GAS2: variants seen among roughly 807,000 people sequenced by gnomAD.
The protein encoded by GAS2 is growth arrest-specific protein 2.
A neutral mutation model predicts 37.5 loss-of-function variants in GAS2; 20 were observed. That is an observed-to-expected ratio of 0.53 (90% CI 0.37 to 0.77). The LOEUF (loss-of-function observed/expected upper bound fraction) is 0.77. Ranked by LOEUF, GAS2 falls within the 30% of genes least tolerant of loss-of-function variation. GAS2 has a pLI of 0.00. For synonymous variants in GAS2, 144 were observed against 132.2 expected (o/e 1.09, Z -0.61); for missense variants, 336 against 373.4 (o/e 0.90, Z 0.82).
At chr11:22,705,205 C>A (rs1358348296) in intron 3 of GAS2, among the ~76,000 whole-genome samples, 1 of 152,130 alleles carries the variant, frequency 6.6e-6, no homozygotes, top group Non-Finnish European at 1.5e-5. Flanking sequence ...CCTTACCCGA[C>A]TTTGTTGCAG....
At chr11:22,759,256 A>G (rs191415793) in intron 7 of GAS2, among the ~76,000 whole-genome samples, 35 of 152,344 alleles carry the variant, frequency 2.3e-4, no homozygotes, top group South Asian at 1.9e-3. Flanking sequence ...CTGGAAACCA[A>G]TGTATGAATA....
At chr11:22,631,469 G>A (rs977854324) in intron 1 of GAS2, among the ~76,000 whole-genome samples, 2 of 152,020 alleles carry the variant, frequency 1.3e-5, no homozygotes, top group African/African-American at 4.8e-5. Flanking sequence ...TGTTATATAT[G>A]GCTTTTATTA....
At chr11:22,657,880 C>A (rs1054945725) in intron 1 of GAS2, among the ~76,000 whole-genome samples, 1 of 152,056 alleles carries the variant, frequency 6.6e-6, no homozygotes, top group Non-Finnish European at 1.5e-5. Context: ...ACTGAGTCTC[C>A]CACACAGTTA....
At chr11:22,638,887 T>G (rs1287223819) in intron 1 of GAS2, among the ~76,000 whole-genome samples, 1 of 152,028 alleles carries the variant, frequency 6.6e-6, no homozygotes, top group African/African-American at 2.4e-5. Flanking sequence ...AAATCTACTT[T>G]TTGGGAAATT....
chr11:22,741,467 A>C (rs1479258581), intron 5 of GAS2, among the ~76,000 whole-genome samples: 1 of 151,840 alleles, frequency 6.6e-6, no homozygotes, highest in Non-Finnish European at 1.5e-5. Flanking sequence ...GTAAAAAAAA[A>C]ACTTTTGATA....
At chr11:22,626,150 C>G (rs113462679) in intron 1 of GAS2, 1 of 365,956 alleles carries the variant, frequency 2.7e-6, no homozygotes, top group African/African-American at 2.1e-5. Context: ...ATTTTCTGAG[C>G]TTTGCCTAAA....
At chr11:22,777,005 G>T (rs1855293804) in intron 7 of GAS2, among the ~76,000 whole-genome samples, 1 of 152,158 alleles carries the variant, frequency 6.6e-6, no homozygotes, top group African/African-American at 2.4e-5. Flanking sequence ...AGAGAGTGCA[G>T]CTAGGAGTCC....
intron 3 of GAS2, among the ~76,000 whole-genome samples, chr11:22,689,188 T>C (rs1261605306): frequency 2.0e-5 from 3 of 152,170 alleles, no homozygotes; most frequent in African/African-American, 4.8e-5. Context: ...CTATGCTCAC[T>C]ATCTGGGTGA....
At chr11:22,685,588 T>C (rs1416104713) in intron 2 of GAS2, 80 bp from the exon 3 acceptor site, 3 of 1,482,764 alleles carry the variant, frequency 2.0e-6, no homozygotes, top group African/African-American at 2.8e-5. Flanking sequence ...ATTTTAGTGA[T>C]AAAACTGTGT....
chr11:22,666,380 AC>A (rs1476533631), upstream of GAS2, among the ~76,000 whole-genome samples: 1 of 152,178 alleles, frequency 6.6e-6, no homozygotes, highest in Non-Finnish European at 1.5e-5. Flanking sequence ...CTTTTCCAAC[AC>A]CCAATTTTAA....
chr11:22,794,043 G>C (rs1034440007), intron 7 of GAS2, among the ~76,000 whole-genome samples: 2 of 151,838 alleles, frequency 1.3e-5, no homozygotes, highest in Non-Finnish European at 2.9e-5. Context: ...TCTTTATATA[G>C]TGAATTGTAT....
At chr11:22,638,470 G>A (rs1012652044) in intron 1 of GAS2, among the ~76,000 whole-genome samples, 1 of 151,114 alleles carries the variant, frequency 6.6e-6, no homozygotes, top group African/African-American at 2.4e-5. Context: ...CTCAGCCTCC[G>A]AAGTAGCTAG....
intron 7 of GAS2, among the ~76,000 whole-genome samples, chr11:22,779,982 T>C (rs1331278570): frequency 1.3e-5 from 2 of 152,206 alleles, no homozygotes; most frequent in African/African-American, 4.8e-5. Context: ...TTTCTTCCAT[T>C]CTTTACGCTT....
rs149306427 is a variant in GAS2, at chr11:22,748,492, C to A, written c.474-628C>A. 5.0e-3 allele frequency among the ~76,000 whole-genome samples: 766 copies of A among 152,114 alleles called. 6 individuals carry two copies. The highest frequency in any genetic ancestry group is 0.018 in the African/African-American group (742 of 41,518). On this transcript the variant is annotated intron_variant, in intron 5 of 7. Transcript: ENST00000454584. ...TAATTTGCAAAACACATGTTTTATA[C>A]ATTGTTACTCTAAATTATGTCTCTG...
At chr11:22,730,206 GAT>G (rs1212797318) in intron 4 of GAS2, among the ~76,000 whole-genome samples, 5 of 151,764 alleles carry the variant, frequency 3.3e-5, no homozygotes, top group African/African-American at 7.2e-5. Context: ...AGGAAAAATA[GAT>G]AGTAATTAGG....
chr11:22,723,787 C>A (rs1852057272), intron 3 of GAS2, among the ~76,000 whole-genome samples: 1 of 151,696 alleles, frequency 6.6e-6, no homozygotes, highest in Admixed American at 6.6e-5. Context: ...TAGCTTTTAC[C>A]TTATTCATGT....
intron 3 of GAS2, among the ~76,000 whole-genome samples, chr11:22,716,443 C>T (rs758900710): frequency 6.6e-6 from 1 of 152,056 alleles, no homozygotes; most frequent in African/African-American, 2.4e-5. Flanking sequence ...AGTTTGAGAC[C>T]TGCCTGGCCA....
intron 1 of GAS2, among the ~76,000 whole-genome samples, chr11:22,667,567 A>G (rs964546963): frequency 1.3e-5 from 2 of 152,148 alleles, no homozygotes; most frequent in Admixed American, 1.3e-4. Context: ...TCCAAAGTTG[A>G]GACTGGAATC....
rs754484850 is a variant in GAS2, at chr11:22,755,956, A to G, written c.723+3A>G. The G allele has an allele frequency of 1.3e-6, 2 of 1,586,316 alleles. No individual in the cohort carries two copies. The highest frequency in any genetic ancestry group is 8.6e-7 in the Non-Finnish European group (1 of 1,157,272). ...GAGAAAAGATCCTCTTCATTAGGGT[A>G]AAGTTTTACTTTTCACTTATCTTGT... On this transcript the variant is annotated splice_donor_region_variant and intron_variant, in intron 7 of 7. Coordinates refer to ENST00000454584, the MANE Select transcript of GAS2 (RefSeq NM_001143830.3).
Sources: gnomAD v4.1 joint callset for allele counts (sites outside exome capture counted in the v4.1 genomes callset) on GRCh38, gnomAD v4.1.1 for gene constraint, MANE v1.5 for transcripts, NCBI Gene and HGNC (gene_info 2026-07-23, HGNC 2026-07-21) for gene names.